FAM222B: variants seen among roughly 807,000 people sequenced by gnomAD.
FAM222B encodes family with sequence similarity 222 member B.
In FAM222B, 12 loss-of-function variants were observed where a neutral mutation model predicts 38.0. The ratio of observed to expected loss-of-function variants is 0.32; its 90% CI spans 0.20 to 0.51. The LOEUF is 0.51. Ranked by LOEUF, FAM222B falls within the 20% of genes least tolerant of loss-of-function variation. FAM222B has a pLI of 0.97. For synonymous variants in FAM222B, 329 were observed against 317.2 expected, an observed-to-expected ratio of 1.04 and a Z score of -0.40; for missense variants, 716 against 754.2, an observed-to-expected ratio of 0.95 and a Z score of 0.59.
chr17:28,806,493 G>A (rs2037502398), intron 1 of FAM222B, among the ~76,000 whole-genome samples: 1 of 152,104 alleles, frequency 6.6e-6, no homozygotes, highest in Non-Finnish European at 1.5e-5. Flanking sequence ...CGGGCACCAC[G>A]GTGCACACCT....
intron 1 of FAM222B, among the ~76,000 whole-genome samples, chr17:28,786,238 T>C (rs773948523): frequency 2.6e-5 from 4 of 152,318 alleles, no homozygotes; most frequent in Non-Finnish European, 5.9e-5. Flanking sequence ...CTCATTCTTA[T>C]GCTTTGGCTA....
Position 28,758,601 on chromosome 17 carries a change from A to G in FAM222B, c.1358T>C (p.Leu453Pro), listed in dbSNP as rs1303267543. ...GGGAGTGGGCAGAATGTTGTTCCAC[A>G]GGGGTTGGAAGTAGTGACCATTGGG... ...AYPNGHYFQP[L>P]WNNILPTPNS... Residue 453 changes from leucine (L) to proline (P), a missense_variant, in exon 3 of 3, where the codon CTG becomes CCG. Transcript: ENST00000581407. 1 of 1,611,082 alleles carries G rather than the reference A, an allele frequency of 6.2e-7. No individual in the cohort carries two copies. The highest frequency in any genetic ancestry group is 8.5e-7 in the Non-Finnish European group (1 of 1,179,854).
At chr17:28,785,211 A>T (rs1567829189) in intron 1 of FAM222B, among the ~76,000 whole-genome samples, 2 of 152,160 alleles carry the variant, frequency 1.3e-5, no homozygotes, top group African/African-American at 2.4e-5. Context: ...CTTAGTTCCT[A>T]GACATGTGAT....
At chr17:28,819,439 A>C (rs2038139225) in intron 1 of FAM222B, among the ~76,000 whole-genome samples, 1 of 152,204 alleles carries the variant, frequency 6.6e-6, no homozygotes, top group Non-Finnish European at 1.5e-5. Flanking sequence ...GTAGTGGTGG[A>C]AAGTGCCTTC....
At chr17:28,778,142 T>A (rs1372796248) in intron 1 of FAM222B, among the ~76,000 whole-genome samples, 1 of 152,000 alleles carries the variant, frequency 6.6e-6, no homozygotes, top group Non-Finnish European at 1.5e-5. Context: ...GCAGGTTTGT[T>A]ACATAGGTAT....
intron 1 of FAM222B, among the ~76,000 whole-genome samples, chr17:28,781,234 G>A (rs1410697978): frequency 1.3e-5 from 2 of 152,052 alleles, no homozygotes; most frequent in Non-Finnish European, 2.9e-5. Flanking sequence ...CGAAGTCGAC[G>A]CTGCAGTGAG....
At chr17:28,778,697 G>GTGTATATATATATATATATATATA (rs1474883701) in intron 1 of FAM222B, among the ~76,000 whole-genome samples, 1 of 45,340 alleles carries the variant, frequency 2.2e-5, no homozygotes, top group Non-Finnish European at 3.5e-5. Context: ...GTGTGTGTGT[G>GTGTATATATATATATATATATATA]TATATATATA....
rs80130774 is a variant in FAM222B at position 28,766,503 on chromosome 17, C to T, written c.82+83G>A. ...GGTGTCAAAATTCAAGGTCAGTGTA[C>T]CCCAGATGTGCTTCAAGGACGGCCC... is the stretch of plus-strand genomic sequence containing the variant. On this transcript the variant is annotated intron_variant, in intron 2 of 2. Coordinates refer to ENST00000581407, the MANE Select transcript of FAM222B (RefSeq NM_001077498.3). 1,018 of 1,125,928 alleles carry T rather than the reference C, an allele frequency of 9.0e-4. 11 individuals are homozygous for T. In the African/African-American group the frequency reaches 0.013, roughly 14 times the overall value. 69.7% of individuals were successfully genotyped at this position (1,125,928 alleles called of 1,614,324 possible). A position where few individuals can be genotyped will look rare whatever the true frequency, so the allele number is the denominator to read the frequency against.
intron 1 of FAM222B, among the ~76,000 whole-genome samples, chr17:28,841,094 A>T (rs879843695): frequency 5.9e-5 from 9 of 152,150 alleles, no homozygotes; most frequent in Admixed American, 5.2e-4. Flanking sequence ...GAGGAGTTCA[A>T]GACCAGCCTG....
chr17:28,815,199 G>T (rs1490974764), intron 1 of FAM222B, among the ~76,000 whole-genome samples: 2 of 150,208 alleles, frequency 1.3e-5, no homozygotes, highest in African/African-American at 4.9e-5. Flanking sequence ...AACTGAAGAA[G>T]AGAATTTATT....
At chr17:28,801,384 G>A (rs931147751) in intron 1 of FAM222B, among the ~76,000 whole-genome samples, 4 of 150,916 alleles carry the variant, frequency 2.7e-5, no homozygotes, top group East Asian at 1.9e-4. Context: ...ACCCCGGGGG[G>A]CGGAGGCTGC....
intron 1 of FAM222B, among the ~76,000 whole-genome samples, chr17:28,838,705 G>A (rs1432163537): frequency 6.6e-6 from 1 of 151,480 alleles, no homozygotes; most frequent in African/African-American, 2.4e-5. Flanking sequence ...TCGGCAGTTC[G>A]AGACTAGCCT....
chr17:28,815,877 G>T (rs1309683157), intron 1 of FAM222B, among the ~76,000 whole-genome samples: 4 of 151,100 alleles, frequency 2.6e-5, no homozygotes, highest in Non-Finnish European at 5.9e-5. Flanking sequence ...TGAGGTAGGA[G>T]AATCGCTTGA....
chr17:28,803,170 G>C (rs971076482), intron 1 of FAM222B, among the ~76,000 whole-genome samples: 3 of 152,014 alleles, frequency 2.0e-5, no homozygotes, highest in Non-Finnish European at 4.4e-5. Flanking sequence ...CACCATGCCT[G>C]GCTAATTTTT....
At chr17:28,805,170 C>A (rs1251298971) in intron 1 of FAM222B, among the ~76,000 whole-genome samples, 2 of 152,094 alleles carry the variant, frequency 1.3e-5, no homozygotes, top group African/African-American at 2.4e-5. Flanking sequence ...CCAACCTGGA[C>A]AACATAGGGA....
In FAM222B at chr17:28,758,280, C is replaced by T. The variant is rs1278637677; in HGVS notation, c.1679G>A (p.Gly560Glu). 6.3e-7 allele frequency: 1 copy of T among 1,584,494 alleles called. No homozygotes were observed. The highest frequency in any genetic ancestry group is 8.6e-7 in the Non-Finnish European group (1 of 1,165,576). ...ESRSLHIQHP[G>E]YR Reference sequence around the variant, plus strand: ...GGGCAGCAGGGCTACCTATCTATACCCTGGGTGCTGAATATGAAGACTTCG... The same window carrying T: ...GGGCAGCAGGGCTACCTATCTATACTCTGGGTGCTGAATATGAAGACTTCG... Residue 560 changes from glycine (G) to glutamate (E), a missense_variant, in exon 3 of 3, where the codon GGG becomes GAG. By Grantham distance (98) the Gly-to-Glu change is moderately conservative. Transcript: ENST00000581407.
chr17:28,853,182 A>G (rs1343485070), intron 1 of FAM222B, among the ~76,000 whole-genome samples: 6 of 145,118 alleles, frequency 4.1e-5, no homozygotes, highest in Non-Finnish European at 9.0e-5. Context: ...AACAAGAGTG[A>G]AACTCTGTCT....
chr17:28,822,802 CAAAAAAAAAAAAAAAAAA>C (rs71135859), intron 1 of FAM222B, among the ~76,000 whole-genome samples: 1 of 9,882 alleles, frequency 1.0e-4, no homozygotes, highest in Non-Finnish European at 1.8e-4. Flanking sequence ...GACTCCATCT[CAAAAAAAAAAAAAAAAAA>C]AAAAAAAAAA....
chr17:28,774,367 C>G (rs79202426), intron 1 of FAM222B, among the ~76,000 whole-genome samples: 1 of 152,092 alleles, frequency 6.6e-6, no homozygotes. Flanking sequence ...AGAGAAAGAT[C>G]GATCACTTTG....
Sources: allele counts gnomAD v4.1 joint callset (sites outside exome capture counted in the v4.1 genomes callset), GRCh38; gene constraint gnomAD v4.1.1; transcripts MANE v1.5; gene names NCBI Gene and HGNC (gene_info 2026-07-23, HGNC 2026-07-21).